The following PPP6R3 variants were observed in gnomAD, a reference collection of about 807,000 sequenced individuals.
PPP6R3 encodes the protein protein phosphatase 6 regulatory subunit 3.
Under a neutral mutation model 110.7 loss-of-function variants are expected in PPP6R3, and 38 were observed. The observed-to-expected ratio is 0.34, with a 90% CI of 0.26 to 0.45. The LOEUF is 0.45. PPP6R3 is among the 20% of genes least tolerant of loss of function. PPP6R3 has a pLI of 1.00. For missense variants in PPP6R3, 870 were observed against 1,062.4 expected (o/e 0.82, Z 2.52); for synonymous variants, 369 against 373.5 (o/e 0.99, Z 0.14).
intron 1 of PPP6R3, among the ~76,000 whole-genome samples, chr11:68,518,667 T>G (rs2099148875): frequency 6.6e-6 from 1 of 152,242 alleles, no homozygotes; most frequent in Non-Finnish European, 1.5e-5. Flanking sequence ...CGTTTTAATT[T>G]GCACCGAGGC....
At chr11:68,594,622 A>G (rs149078927) in intron 18 of PPP6R3, among the ~76,000 whole-genome samples, 128 of 152,360 alleles carry the variant, frequency 8.4e-4, no homozygotes, top group East Asian at 5.8e-3. Flanking sequence ...ATAAGTAGGA[A>G]GACTCAGTAT....
Position 68,613,180 on chromosome 11 carries a change from G to C in PPP6R3, c.*63G>C. On this transcript the variant is annotated 3_prime_UTR_variant, in exon 24 of 24. Transcript: ENST00000393800. ...CCGCCACCACTCAGGGGCTCTGGAG[G>C]GGTCAGCTGGAGCCCACCAAGCTGT... 1 of 1,602,530 alleles carries C rather than the reference G, an allele frequency of 6.2e-7. No individual in the cohort carries two copies. The highest frequency in any genetic ancestry group is 1.1e-5 in the South Asian group (1 of 89,642).
chr11:68,579,376 G>A (rs1056837129), intron 14 of PPP6R3, among the ~76,000 whole-genome samples: 4 of 152,164 alleles, frequency 2.6e-5, no homozygotes, highest in African/African-American at 7.2e-5. Flanking sequence ...TTAACAAAAC[G>A]AAAATTTTAT....
rs190879894 is a variant in PPP6R3, at chr11:68,566,442, C to T, written c.976-572C>T. Among the ~76,000 whole-genome samples, 13 of 152,188 alleles carry T rather than the reference C, an allele frequency of 8.5e-5. No homozygotes were observed. In the East Asian group the frequency reaches 2.3e-3, roughly 27 times the overall value. On this transcript the variant is annotated intron_variant, in intron 9 of 23. Coordinates refer to ENST00000393800, the MANE Select transcript of PPP6R3 (RefSeq NM_001164161.2). ...TGGCACAATCACAGCTCACTGCAGC[C>T]TCAACTTCCGCAGGCCCAGGTGATT...
intron 8 of PPP6R3, among the ~76,000 whole-genome samples, chr11:68,558,941 G>A (rs1189136417): frequency 6.6e-6 from 1 of 152,206 alleles, no homozygotes; most frequent in East Asian, 1.9e-4. Flanking sequence ...TTAGGAAAAT[G>A]CTTACTATAA....
Position 68,580,635 on chromosome 11 carries a change from G to T in PPP6R3, c.1546-2408G>T, listed in dbSNP as rs573063408. The stretch of plus-strand genomic sequence containing the variant: ...AGGTGGCAGTGACTGAGCTGAAGAT[G>T]CCTCAAAAGGAGTGTGTTTGGAAGT... On this transcript the variant is annotated intron_variant, in intron 14 of 23. Coordinates refer to ENST00000393800, the MANE Select transcript of PPP6R3 (RefSeq NM_001164161.2). Among the ~76,000 whole-genome samples, 145 of 152,012 alleles carry T rather than the reference G, an allele frequency of 9.5e-4. 1 individual carries two copies. Among genetic ancestry groups the T allele is most frequent in the South Asian group, 1.7e-3 (8 of 4,814 alleles).
chr11:68,491,498 T>C (rs560900284), intron 1 of PPP6R3, among the ~76,000 whole-genome samples: 97 of 152,108 alleles, frequency 6.4e-4, no homozygotes, highest in African/African-American at 2.3e-3. Context: ...CAGACACCAC[T>C]GTGCCCAGCT....
At chr11:68,537,314 T>TA (rs2099276084) in intron 2 of PPP6R3, among the ~76,000 whole-genome samples, 1 of 152,192 alleles carries the variant, frequency 6.6e-6, no homozygotes, top group Non-Finnish European at 1.5e-5. Flanking sequence ...TTGCTGAAGA[T>TA]ATTCTGTTTT....
chr11:68,552,531 A>T (rs1021945563), intron 6 of PPP6R3, among the ~76,000 whole-genome samples: 1 of 152,242 alleles, frequency 6.6e-6, no homozygotes, highest in African/African-American at 2.4e-5. Flanking sequence ...GGACACATCC[A>T]GTGCAGACAT....
intron 1 of PPP6R3, among the ~76,000 whole-genome samples, chr11:68,509,352 T>A: frequency 6.6e-6 from 1 of 152,226 alleles, no homozygotes; most frequent in Non-Finnish European, 1.5e-5. Flanking sequence ...CCTGTGAGGA[T>A]AGGAAACCTT....
chr11:68,495,388 T>C (rs1229710100), intron 1 of PPP6R3, among the ~76,000 whole-genome samples: 2 of 152,216 alleles, frequency 1.3e-5, no homozygotes, highest in Non-Finnish European at 2.9e-5. Context: ...TACAAGTTAA[T>C]GTTTTTTAGT....
At chr11:68,477,741 A>AAATTATAT in intron 1 of PPP6R3, among the ~76,000 whole-genome samples, 1 of 57,894 alleles carries the variant, frequency 1.7e-5, no homozygotes, top group Non-Finnish European at 3.3e-5. Flanking sequence ...AAAAAAAAAA[A>AAATTATAT]ATATATATAT....
chr11:68,562,624 G>T (rs992588450), intron 8 of PPP6R3, among the ~76,000 whole-genome samples: 1 of 152,172 alleles, frequency 6.6e-6, no homozygotes, highest in African/African-American at 2.4e-5. Flanking sequence ...ATGATCAGGC[G>T]GTTTTTAACA....
rs7113650 is a variant in PPP6R3 at position 68,544,693 on chromosome 11, C to T, written c.228-145C>T. ...TATTTTAGTCTGGAGGTAGGTTGAA[C>T]AGAATGGATTGAAATGATTTCCTGA... On this transcript the variant is annotated intron_variant, in intron 3 of 23. Transcript: ENST00000393800. 1.4e-3 allele frequency: 827 copies of T among 597,694 alleles called. 6 individuals are homozygous for T. In the African/African-American group the frequency reaches 0.014, roughly 10 times the overall value. 37.0% of individuals were successfully genotyped at this position (597,694 alleles called of 1,614,324 possible).
At chr11:68,479,944 A>T (rs889229078) in intron 1 of PPP6R3, among the ~76,000 whole-genome samples, 1 of 151,914 alleles carries the variant, frequency 6.6e-6, no homozygotes, top group African/African-American at 2.4e-5. Context: ...TGCTATGTTG[A>T]CCAGGCTGTT....
At chr11:68,569,241 A>C (rs1224922931) in intron 10 of PPP6R3, among the ~76,000 whole-genome samples, 1 of 152,180 alleles carries the variant, frequency 6.6e-6, no homozygotes, top group East Asian at 1.9e-4. Context: ...AGCAGATAGC[A>C]CGCCATTTAG....
rs138107176 is a variant in PPP6R3, at chr11:68,570,287, G to A, written c.1278+390G>A. Among the ~76,000 whole-genome samples, 86 of 152,296 alleles carry A rather than the reference G, an allele frequency of 5.6e-4. 1 individual carries two copies. The highest frequency in any genetic ancestry group is 2.0e-3 in the African/African-American group (82 of 41,550). On this transcript the variant is annotated intron_variant, in intron 11 of 23. Transcript: ENST00000393800. ...CGTGACTGAAAGTCAGGAGAACTGA[G>A]TTCTTTGTGATGTTGAGAGTCTTCC...
Position 68,604,174 on chromosome 11 carries a change from A to G in PPP6R3, c.2450+682A>G, listed in dbSNP as rs528304313. Among the ~76,000 whole-genome samples, 8 of 152,370 alleles carry G rather than the reference A, an allele frequency of 5.3e-5. No homozygotes were observed. In the South Asian group the frequency reaches 1.4e-3, roughly 28 times the overall value. On this transcript the variant is annotated intron_variant, in intron 22 of 23. Transcript: ENST00000393800. ...AAAGAAGAAAACTGACTGTAGACTGATTTCATACATGAGCAATTATTCTCA... is the reference window on the plus strand; with the variant it reads ...AAAGAAGAAAACTGACTGTAGACTGGTTTCATACATGAGCAATTATTCTCA...
chr11:68,511,216 G>T (rs1242900730), intron 1 of PPP6R3, among the ~76,000 whole-genome samples: 1 of 150,808 alleles, frequency 6.6e-6, no homozygotes, highest in Admixed American at 6.6e-5. Context: ...TAAGGCACGC[G>T]CCACCACGTC....
Sources: gnomAD v4.1 joint callset for allele counts (sites outside exome capture counted in the v4.1 genomes callset) on GRCh38, gnomAD v4.1.1 for gene constraint, MANE v1.5 for transcripts, NCBI Gene and HGNC (gene_info 2026-07-23, HGNC 2026-07-21) for gene names.